Variants in RSRC1 observed in about 807,000 individuals in gnomAD.
The protein encoded by RSRC1 is arginine and serine rich coiled-coil 1, also known as serine/Arginine-related protein 53.
In RSRC1, 39 loss-of-function variants were observed where a neutral mutation model predicts 49.1. That is an observed-to-expected ratio of 0.79 (90% CI 0.61 to 1.04). The LOEUF is 1.04. Ranked by LOEUF, RSRC1 falls within the 50% of genes least tolerant of loss-of-function variation. The pLI, the probability that RSRC1 is intolerant of heterozygous loss-of-function variation, is 0.00. For missense variants in RSRC1, 388 were observed against 402.4 expected (o/e 0.96, Z 0.31); for synonymous variants, 143 against 130.8 (o/e 1.09, Z -0.63).
chr3:158,499,325 C>T (rs180777640), intron 7 of RSRC1, among the ~76,000 whole-genome samples: 421 of 151,880 alleles, frequency 2.8e-3, no homozygotes, highest in African/African-American at 9.9e-3. Context: ...TGCAGTGAGC[C>T]GAGATTGTGC....
At chr3:158,280,013 G>T (rs1726051340) in intron 4 of RSRC1, among the ~76,000 whole-genome samples, 1 of 152,286 alleles carries the variant, frequency 6.6e-6, no homozygotes, top group East Asian at 1.9e-4. Context: ...CTGACCACCA[G>T]CGCCTCTGAC....
chr3:158,254,228 G>T (rs769982174), intron 4 of RSRC1, among the ~76,000 whole-genome samples: 1 of 152,124 alleles, frequency 6.6e-6, no homozygotes, highest in Non-Finnish European at 1.5e-5. Flanking sequence ...ATAAACATAC[G>T]TGTGCCTGTG....
At chr3:158,197,156 T>A (rs2108271554) in intron 3 of RSRC1, among the ~76,000 whole-genome samples, 1 of 152,350 alleles carries the variant, frequency 6.6e-6, no homozygotes, top group Non-Finnish European at 1.5e-5. Flanking sequence ...TGGTAAGCTA[T>A]TAATTGTTGC....
intron 3 of RSRC1, among the ~76,000 whole-genome samples, chr3:158,154,794 C>G (rs1316938463): frequency 6.6e-6 from 1 of 152,110 alleles, no homozygotes; most frequent in East Asian, 1.9e-4. Context: ...TCAGTCTTCT[C>G]AAACCCTGCT....
chr3:158,255,523 G>T (rs1223984614), intron 4 of RSRC1, among the ~76,000 whole-genome samples: 2 of 152,122 alleles, frequency 1.3e-5, no homozygotes, highest in Non-Finnish European at 2.9e-5. Flanking sequence ...TGTTCTTTTG[G>T]CTTAGGATTG....
intron 7 of RSRC1, among the ~76,000 whole-genome samples, chr3:158,476,257 A>T (rs1738362730): frequency 6.6e-6 from 1 of 152,192 alleles, no homozygotes; most frequent in Non-Finnish European, 1.5e-5. Context: ...AGTCTTCGTA[A>T]CGTAAAAGTG....
intron 4 of RSRC1, among the ~76,000 whole-genome samples, chr3:158,224,914 G>C (rs369195562): frequency 3.3e-5 from 5 of 151,762 alleles, no homozygotes; most frequent in African/African-American, 9.7e-5. Context: ...TTTCTATTTT[G>C]AAGAGAATTT....
chr3:158,410,796 A>G (rs1734422843), intron 6 of RSRC1, among the ~76,000 whole-genome samples: 1 of 152,070 alleles, frequency 6.6e-6, no homozygotes, highest in Non-Finnish European at 1.5e-5. Flanking sequence ...ATAGTTCACC[A>G]AATTATTATA....
chr3:158,328,873 C>T (rs889864129), intron 5 of RSRC1, among the ~76,000 whole-genome samples: 3 of 152,224 alleles, frequency 2.0e-5, no homozygotes, highest in Non-Finnish European at 2.9e-5. Context: ...TTCAGGTACA[C>T]CAATCAGACG....
chr3:158,354,874 CA>C lies in RSRC1; in HGVS notation c.552del (p.Ala185ProfsTer17). The C allele has an allele frequency of 6.4e-7, 1 of 1,552,062 alleles. No individual in the cohort carries two copies. The highest frequency in any genetic ancestry group is 1.4e-5 in the African/African-American group (1 of 70,676). On this transcript the variant is annotated frameshift_variant, in exon 6 of 10. Coordinates refer to ENST00000611884, the MANE Select transcript of RSRC1 (RefSeq NM_001271838.2). LOFTEE classifies it high-confidence loss of function. ...TTTTTTAGCCACCAGCTGAACAGGCCAAAGCCAGACTACAGCTGGTTCTTGA... is the reference window on the plus strand; with the variant it reads ...TTTTTTAGCCACCAGCTGAACAGGCCAAGCCAGACTACAGCTGGTTCTTGA... Reference protein sequence around the residue: ...LEHLPPAEQAKARLQLVLEAA... With the variant: ...LEHLPPAEQAXARLQLVLEAA...
intron 5 of RSRC1, among the ~76,000 whole-genome samples, chr3:158,335,285 A>T (rs1405010677): frequency 1.3e-5 from 2 of 152,186 alleles, no homozygotes; most frequent in Non-Finnish European, 2.9e-5. Context: ...CATTTTTATA[A>T]CTAAGAATGA....
At chr3:158,482,755 T>G (rs987077359) in intron 7 of RSRC1, among the ~76,000 whole-genome samples, 4 of 152,048 alleles carry the variant, frequency 2.6e-5, no homozygotes, top group Non-Finnish European at 5.9e-5. Context: ...ATCTAATACT[T>G]AAAGTTATTA....
At chr3:158,374,774 T>C (rs1240872146) in intron 6 of RSRC1, among the ~76,000 whole-genome samples, 1 of 122,448 alleles carries the variant, frequency 8.2e-6, no homozygotes, top group Non-Finnish European at 1.8e-5. Flanking sequence ...TGAATTAAAA[T>C]AAGGAATTTT....
chr3:158,172,757 T>C (rs1274440231), intron 3 of RSRC1, among the ~76,000 whole-genome samples: 1 of 152,188 alleles, frequency 6.6e-6, no homozygotes, highest in African/African-American at 2.4e-5. Context: ...CGGCTAGTAG[T>C]CTTTATTTAA....
chr3:158,140,349 G>T (rs1716668446), intron 3 of RSRC1, among the ~76,000 whole-genome samples: 1 of 152,168 alleles, frequency 6.6e-6, no homozygotes, highest in Non-Finnish European at 1.5e-5. Flanking sequence ...TCAGGCTCTT[G>T]TTAAGAAATG....
intron 4 of RSRC1, among the ~76,000 whole-genome samples, chr3:158,286,477 G>A: frequency 6.6e-6 from 1 of 152,124 alleles, no homozygotes. Flanking sequence ...CCTCACAGGT[G>A]GAATCTCTGA....
intron 4 of RSRC1, among the ~76,000 whole-genome samples, chr3:158,296,323 C>T (rs546017513): frequency 1.3e-5 from 2 of 152,044 alleles, no homozygotes; most frequent in East Asian, 3.9e-4. Context: ...GAGAAAGACA[C>T]ACACACACAC....
At chr3:158,336,212 A>G (rs923669157) in intron 5 of RSRC1, among the ~76,000 whole-genome samples, 2 of 152,190 alleles carry the variant, frequency 1.3e-5, no homozygotes, top group African/African-American at 2.4e-5. Context: ...GTAACATCCT[A>G]TGGTCCTACG....
At chr3:158,355,208 TG>T (rs1164666547) in intron 6 of RSRC1, among the ~76,000 whole-genome samples, 2 of 152,006 alleles carry the variant, frequency 1.3e-5, no homozygotes, top group African/African-American at 4.8e-5. Context: ...ACTATGGTTT[TG>T]GTGATGTGTT....
Sources: gnomAD v4.1 joint callset for allele counts (sites outside exome capture counted in the v4.1 genomes callset) on GRCh38, gnomAD v4.1.1 for gene constraint, MANE v1.5 for transcripts, NCBI Gene and HGNC (gene_info 2026-07-23, HGNC 2026-07-21) for gene names.